Variants in NEK7 observed in about 807,000 individuals in gnomAD.
NEK7 encodes the protein serine/threonine-protein kinase Nek7.
NEK7 carries 18 observed loss-of-function variants against 44.6 expected under a neutral mutation model. The observed-to-expected ratio is 0.40, with a 90% CI of 0.28 to 0.60. NEK7 has a LOEUF of 0.60. NEK7 is among the 20% of genes least tolerant of loss of function. The pLI is 0.38. For missense variants in NEK7, 256 were observed against 366.5 expected, an observed-to-expected ratio of 0.70 and a Z score of 2.46; for synonymous variants, 130 against 121.1, an observed-to-expected ratio of 1.07 and a Z score of -0.48.
chr1:198,220,783 A>G (rs1465564249), intron 1 of NEK7: 3 of 152,122 alleles, frequency 2.0e-5, no homozygotes, highest in Non-Finnish European at 4.4e-5. Context: ...TTTAGGTATC[A>G]CATGTACATA....
intron 1 of NEK7, among the ~76,000 whole-genome samples, chr1:198,176,366 G>A (rs919356688): frequency 1.2e-4 from 18 of 152,150 alleles, no homozygotes; most frequent in Non-Finnish European, 2.9e-5. Flanking sequence ...TGACTAGCTG[G>A]GTTGAGTATT....
At chr1:198,307,620 A>C (rs1432629024) in intron 9 of NEK7, among the ~76,000 whole-genome samples, 3 of 152,164 alleles carry the variant, frequency 2.0e-5, no homozygotes, top group Admixed American at 6.5e-5. Flanking sequence ...GAAAACAAAC[A>C]ACATGTCAGG....
intron 1 of NEK7, among the ~76,000 whole-genome samples, chr1:198,174,924 T>C (rs1173913164): frequency 1.3e-5 from 2 of 152,084 alleles, no homozygotes; most frequent in Non-Finnish European, 2.9e-5. Context: ...ACTGGGCTAA[T>C]ATTTTAATTT....
chr1:198,231,301 G>GTATATATATATATATATA (rs749263549), intron 1 of NEK7, among the ~76,000 whole-genome samples: 9 of 86,932 alleles, frequency 1.0e-4, no homozygotes, highest in African/African-American at 1.5e-4. Flanking sequence ...ATGTGTGTGT[G>GTATATATATATATATATA]TATATATATA....
intron 1 of NEK7, among the ~76,000 whole-genome samples, chr1:198,171,360 A>G (rs1280746047): frequency 6.6e-6 from 1 of 152,080 alleles, no homozygotes; most frequent in Non-Finnish European, 1.5e-5. Flanking sequence ...TGCCTTCAGA[A>G]TAATTTCTAA....
intron 2 of NEK7, among the ~76,000 whole-genome samples, chr1:198,244,349 A>G (rs1666769835): frequency 6.6e-6 from 1 of 152,112 alleles, no homozygotes; most frequent in South Asian, 2.1e-4. Context: ...CCCAGAGAGG[A>G]TTATCATCAT....
intron 9 of NEK7, among the ~76,000 whole-genome samples, chr1:198,304,523 G>A (rs1201546146): frequency 6.6e-6 from 1 of 152,090 alleles, no homozygotes; most frequent in Non-Finnish European, 1.5e-5. Context: ...GGATTAAGAT[G>A]GGGGTGAAAA....
chr1:198,219,411 G>C (rs956460674), intron 1 of NEK7, among the ~76,000 whole-genome samples: 1 of 151,482 alleles, frequency 6.6e-6, no homozygotes, highest in Non-Finnish European at 1.5e-5. Context: ...CAACAACTTG[G>C]ATGGAATTGG....
chr1:198,253,049 C>T lies in NEK7; in HGVS notation c.67C>T (p.Arg23Ter), dbSNP rs779021260. The change falls in exon 3 of 10, where the codon CGA becomes TGA. Residue 23 changes from arginine (R) to a stop codon, truncating the protein, a stop_gained. Transcript: ENST00000367385. LOFTEE classifies it high-confidence loss of function. ...ACATTTTTAATTACAGAAGGCCTTACGACCGGATATGGGCTATAATACATT... is the reference window on the plus strand; with the variant it reads ...ACATTTTTAATTACAGAAGGCCTTATGACCGGATATGGGCTATAATACATT... ...VPQFQPQKAL[R>*]PDMGYNTLAN... 6 of 1,604,754 alleles carry T rather than the reference C, an allele frequency of 3.7e-6. No homozygotes were observed. The highest frequency in any genetic ancestry group is 1.7e-5 in the Admixed American group (1 of 58,602).
chr1:198,311,305 C>G, intron 9 of NEK7, among the ~76,000 whole-genome samples: 1 of 103,962 alleles, frequency 9.6e-6, no homozygotes, highest in South Asian at 4.3e-4. Context: ...TGAGACTTTG[C>G]TAAGTTGCTT....
intron 1 of NEK7, among the ~76,000 whole-genome samples, chr1:198,228,430 T>C (rs1350701386): frequency 6.6e-6 from 1 of 152,158 alleles, no homozygotes; most frequent in East Asian, 1.9e-4. Context: ...TTGATGGGGA[T>C]GGCATTGAAT....
At chr1:198,250,257 G>C (rs199769930) in intron 2 of NEK7, among the ~76,000 whole-genome samples, 32,907 of 133,084 alleles carry the variant, frequency 0.25, 1,793 homozygotes, top group East Asian at 0.54. Flanking sequence ...TTTGGTACCA[G>C]TACCATGCTG....
At chr1:198,269,984 T>C (rs1230531207) in intron 5 of NEK7, among the ~76,000 whole-genome samples, 1 of 152,074 alleles carries the variant, frequency 6.6e-6, no homozygotes, top group Non-Finnish European at 1.5e-5. Context: ...TGCCATATAT[T>C]TTCTTTATTG....
chr1:198,260,958 G>T (rs1339681000), intron 3 of NEK7, among the ~76,000 whole-genome samples: 1 of 151,944 alleles, frequency 6.6e-6, no homozygotes, highest in African/African-American at 2.4e-5. Flanking sequence ...TCTTCATATG[G>T]TTTTTTAAAT....
chr1:198,227,784 A>G (rs144372278), intron 1 of NEK7, among the ~76,000 whole-genome samples: 77,965 of 151,938 alleles, frequency 0.51, 23,284 homozygotes, highest in East Asian at 0.9. Context: ...TGTCAGATGA[A>G]TATATTGCAA....
intron 1 of NEK7, among the ~76,000 whole-genome samples, chr1:198,207,946 C>T (rs1440739097): frequency 6.6e-6 from 1 of 151,908 alleles, no homozygotes; most frequent in Non-Finnish European, 1.5e-5. Flanking sequence ...CTAATAGAAC[C>T]CTTAGAACAC....
chr1:198,159,304 A>G (rs1033876988), intron 1 of NEK7, among the ~76,000 whole-genome samples: 6 of 151,316 alleles, frequency 4.0e-5, no homozygotes, highest in Admixed American at 2.0e-4. Context: ...AAAGAAAGAA[A>G]GGAAGGAAGG....
chr1:198,231,124 GTAAT>G (rs1374786139), intron 1 of NEK7, among the ~76,000 whole-genome samples: 3 of 151,018 alleles, frequency 2.0e-5, no homozygotes, highest in Non-Finnish European at 4.4e-5. Context: ...ATAAGCTATA[GTAAT>G]TAATACTGTA....
intron 5 of NEK7, among the ~76,000 whole-genome samples, chr1:198,270,056 A>G (rs1028539066): frequency 6.6e-6 from 1 of 151,958 alleles, no homozygotes; most frequent in Non-Finnish European, 1.5e-5. Context: ...TGTTTATTTC[A>G]CTATTCTAAT....
Sources: allele counts gnomAD v4.1 joint callset (sites outside exome capture counted in the v4.1 genomes callset), GRCh38; gene constraint gnomAD v4.1.1; transcripts MANE v1.5; gene names NCBI Gene and HGNC (gene_info 2026-07-23, HGNC 2026-07-21).